Variants in AGBL4 observed in about 807,000 individuals in gnomAD.
AGBL4 encodes the protein cytosolic carboxypeptidase 6.
Under a neutral mutation model 66.4 loss-of-function variants are expected in AGBL4, and 58 were observed. The ratio of observed to expected loss-of-function variants is 0.87; its 90% CI spans 0.71 to 1.09. The LOEUF (loss-of-function observed/expected upper bound fraction) is 1.09. Ranked by LOEUF, AGBL4 falls within the 50% of genes least tolerant of loss-of-function variation. The pLI, the probability that AGBL4 is intolerant of heterozygous loss-of-function variation, is 0.00. For synonymous variants in AGBL4, 234 were observed against 222.9 expected (o/e 1.05, Z -0.44); for missense variants, 579 against 631.0 (o/e 0.92, Z 0.88).
intron 4 of AGBL4, among the ~76,000 whole-genome samples, chr1:49,214,817 C>A (rs533606430): frequency 1.3e-5 from 2 of 152,000 alleles, no homozygotes; most frequent in Non-Finnish European, 2.9e-5. Flanking sequence ...GAGATTGAAG[C>A]GGTGGGTAAG....
chr1:49,496,828 A>G (rs1647630630), intron 3 of AGBL4, among the ~76,000 whole-genome samples: 1 of 149,512 alleles, frequency 6.7e-6, no homozygotes, highest in Admixed American at 6.7e-5. Flanking sequence ...GCTGCAGTAA[A>G]TATGGGAGTG....
chr1:49,117,568 C>T (rs1392693621), intron 4 of AGBL4, among the ~76,000 whole-genome samples: 2 of 152,084 alleles, frequency 1.3e-5, no homozygotes, highest in African/African-American at 4.8e-5. Context: ...TTTTCTGTTG[C>T]ATTAGTCTAT....
At chr1:49,875,172 A>C (rs1465095003) in intron 1 of AGBL4, among the ~76,000 whole-genome samples, 8 of 147,500 alleles carry the variant, frequency 5.4e-5, no homozygotes, top group Non-Finnish European at 9.0e-5. Context: ...ATTTTTAATT[A>C]TACTTTAAGT....
At chr1:50,006,178 A>T (rs1170861096) in intron 1 of AGBL4, among the ~76,000 whole-genome samples, 2 of 152,104 alleles carry the variant, frequency 1.3e-5, no homozygotes, top group Non-Finnish European at 2.9e-5. Flanking sequence ...TCTCTACTAA[A>T]ACTACAAAAA....
chr1:48,740,778 G>A (rs550263587), intron 6 of AGBL4, among the ~76,000 whole-genome samples: 2 of 152,190 alleles, frequency 1.3e-5, no homozygotes, highest in African/African-American at 4.8e-5. Context: ...CAAGACAGCA[G>A]AGCCAAGAAC....
intron 1 of AGBL4, among the ~76,000 whole-genome samples, chr1:49,941,601 C>A (rs568687231): frequency 6.6e-6 from 1 of 151,700 alleles, no homozygotes; most frequent in Non-Finnish European, 1.5e-5. Flanking sequence ...ATGTGATGTA[C>A]CCATTAATAG....
chr1:48,762,612 TTTTGTGTGTGTG>T (rs1347189849), intron 6 of AGBL4, among the ~76,000 whole-genome samples: 1,547 of 127,980 alleles, frequency 0.012, 26 homozygotes, highest in African/African-American at 0.041. Context: ...TCTTTAAGGG[TTTTGTGTGTGTG>T]TGTGTGTGTG....
chr1:49,212,966 A>C (rs1648789467), intron 4 of AGBL4, among the ~76,000 whole-genome samples: 1 of 152,266 alleles, frequency 6.6e-6, no homozygotes, highest in East Asian at 1.9e-4. Context: ...TTATTGAATT[A>C]TTTTATAAAA....
chr1:48,930,836 T>C (rs1654978925), intron 5 of AGBL4, among the ~76,000 whole-genome samples: 1 of 152,220 alleles, frequency 6.6e-6, no homozygotes, highest in African/African-American at 2.4e-5. Context: ...TCAGTCGTTC[T>C]ATAATGATTT....
chr1:49,004,497 G>A (rs1015275235), intron 5 of AGBL4, among the ~76,000 whole-genome samples: 2 of 152,122 alleles, frequency 1.3e-5, no homozygotes, highest in African/African-American at 4.8e-5. Context: ...CAGCCCCTAT[G>A]GTATTATTCC....
intron 3 of AGBL4, chr1:49,423,002 G>A (rs1303841026): frequency 6.6e-6 from 1 of 152,174 alleles, no homozygotes; most frequent in Admixed American, 6.5e-5. Context: ...CAAATGTAGT[G>A]TGCACAAGAG....
chr1:49,738,948 A>G (rs1176824834), intron 2 of AGBL4, among the ~76,000 whole-genome samples: 9 of 152,200 alleles, frequency 5.9e-5, no homozygotes, highest in Admixed American at 5.9e-4. Flanking sequence ...AACCACAAAG[A>G]TGGGGAAAAA....
At chr1:49,631,825 C>A (rs970771060) in intron 3 of AGBL4, among the ~76,000 whole-genome samples, 2 of 152,142 alleles carry the variant, frequency 1.3e-5, no homozygotes, top group African/African-American at 4.8e-5. Context: ...TACATCAAAT[C>A]AATAGGAAGT....
chr1:48,875,904 A>G (rs1009961091), intron 5 of AGBL4, among the ~76,000 whole-genome samples: 4 of 152,152 alleles, frequency 2.6e-5, no homozygotes, highest in African/African-American at 9.7e-5. Flanking sequence ...TTGCCTCTGA[A>G]GCCTACGCTC....
intron 3 of AGBL4, among the ~76,000 whole-genome samples, chr1:49,296,907 C>CT (rs1644654400): frequency 6.6e-6 from 1 of 152,146 alleles, no homozygotes; most frequent in Admixed American, 6.5e-5. Context: ...ATAATAGGAC[C>CT]TTTTAACCAA....
chr1:49,648,840 A>AAATGTTAAAAGAAATTATT (rs1224405688), intron 3 of AGBL4, among the ~76,000 whole-genome samples: 2 of 152,088 alleles, frequency 1.3e-5, no homozygotes, highest in Non-Finnish European at 2.9e-5. Context: ...GTCTTGAAAG[A>AAATGTTAAAAGAAATTATT]AATGTTAAAA....
chr1:49,603,585 G>C (rs954340968), intron 3 of AGBL4, among the ~76,000 whole-genome samples: 28 of 150,404 alleles, frequency 1.9e-4, no homozygotes, highest in Non-Finnish European at 3.1e-4. Flanking sequence ...CAAATAAATA[G>C]AAAGGGAAGA....
At chr1:48,577,707 T>C (rs1269715274) in intron 11 of AGBL4, among the ~76,000 whole-genome samples, 2 of 145,890 alleles carry the variant, frequency 1.4e-5, no homozygotes, top group African/African-American at 4.9e-5. Context: ...AGAGAGAGAG[T>C]CTGGGCAGCA....
chr1:49,314,560 C>G lies in AGBL4; in HGVS notation c.283-68696G>C, dbSNP rs1049640597. On this transcript the variant is annotated intron_variant, in intron 3 of 13. Coordinates refer to ENST00000371839, the MANE Select transcript of AGBL4 (RefSeq NM_032785.4). ...TCCATGTCCCTGCAAAGGACATGAACTCATCTTTTTTATGGCTGCATAGTA... is the reference window on the plus strand; with the variant it reads ...TCCATGTCCCTGCAAAGGACATGAAGTCATCTTTTTTATGGCTGCATAGTA... Among the ~76,000 whole-genome samples the G allele has an allele frequency of 4.6e-5, 7 of 152,164 alleles. No individual in the cohort carries two copies. In the East Asian group the frequency reaches 9.7e-4, roughly 21 times the overall value.
Sources: gnomAD v4.1 joint callset for allele counts (sites outside exome capture counted in the v4.1 genomes callset) on GRCh38, gnomAD v4.1.1 for gene constraint, MANE v1.5 for transcripts, NCBI Gene and HGNC (gene_info 2026-07-23, HGNC 2026-07-21) for gene names.